MOSMO: variants seen among roughly 807,000 people sequenced by gnomAD.
MOSMO encodes modulator of smoothened.
In MOSMO, 5 loss-of-function variants were observed where a neutral mutation model predicts 18.4. The observed-to-expected ratio is 0.27, with a 90% CI of 0.14 to 0.57. The LOEUF is 0.57. Ranked by LOEUF, MOSMO falls within the 20% of genes least tolerant of loss-of-function variation. The pLI is 0.92. For missense variants in MOSMO, 138 were observed against 211.8 expected, an observed-to-expected ratio of 0.65 and a Z score of 2.16; for synonymous variants, 82 against 82.3, an observed-to-expected ratio of 1.00 and a Z score of 0.02.
At position 22,011,310 on chromosome 16, in the gene MOSMO, C is replaced by CA. The variant is rs565484423; in HGVS notation, c.106+2905dup. On this transcript the variant is annotated intron_variant, in intron 1 of 2. Transcript: ENST00000542527. The stretch of plus-strand genomic sequence containing the variant: ...AAGAATAATGTAAAAGCCTCATATA[C>CA]AATAATGAATAATAAAGAATAATGT... Among the ~76,000 whole-genome samples, 346 of 152,196 alleles carry CA rather than the reference C, an allele frequency of 2.3e-3. 3 individuals are homozygous for CA. The highest frequency in any genetic ancestry group is 2.6e-4 in the Non-Finnish European group (18 of 67,994).
At chr16:22,026,798 T>TA (rs1213460553) in intron 1 of MOSMO, among the ~76,000 whole-genome samples, 10 of 152,220 alleles carry the variant, frequency 6.6e-5, no homozygotes, top group African/African-American at 2.4e-4. Context: ...AGGAAGAAAA[T>TA]ATGTAAATAA....
At chr16:22,052,949 T>C (rs1402971651) in intron 1 of MOSMO, among the ~76,000 whole-genome samples, 2 of 149,944 alleles carry the variant, frequency 1.3e-5, no homozygotes, top group African/African-American at 4.9e-5. Context: ...TTCTCTCATC[T>C]TCTTTTTTTT....
intron 1 of MOSMO, among the ~76,000 whole-genome samples, chr16:22,009,141 T>C (rs1899462338): frequency 6.6e-6 from 1 of 152,178 alleles, no homozygotes; most frequent in Admixed American, 6.5e-5. Context: ...CCCTTTGAAG[T>C]GTGTATGTGG....
At chr16:22,073,994 G>T (rs538923612) in intron 1 of MOSMO, among the ~76,000 whole-genome samples, 1 of 152,132 alleles carries the variant, frequency 6.6e-6, no homozygotes. Context: ...AACTTTGAGA[G>T]AACTGATTTC....
chr16:22,062,719 G>A (rs987339642), intron 1 of MOSMO, among the ~76,000 whole-genome samples: 2 of 152,176 alleles, frequency 1.3e-5, no homozygotes, highest in African/African-American at 4.8e-5. Flanking sequence ...TTTGTTCTGA[G>A]TGCTCTGTAT....
At chr16:22,053,531 G>A (rs1245346957) in intron 1 of MOSMO, among the ~76,000 whole-genome samples, 4 of 152,062 alleles carry the variant, frequency 2.6e-5, no homozygotes, top group African/African-American at 9.7e-5. Context: ...AGCCAGGCAC[G>A]GGGGCTCATG....
At chr16:22,034,309 T>G (rs1900057449) in intron 1 of MOSMO, among the ~76,000 whole-genome samples, 1 of 152,256 alleles carries the variant, frequency 6.6e-6, no homozygotes, top group Non-Finnish European at 1.5e-5. Context: ...TAATGTGCTT[T>G]CTTTCCTTAT....
chr16:22,064,171 T>G (rs1900704895), intron 1 of MOSMO, among the ~76,000 whole-genome samples: 1 of 152,232 alleles, frequency 6.6e-6, no homozygotes, highest in South Asian at 2.1e-4. Flanking sequence ...TGTCTGCTCA[T>G]TGCTTGCTTG....
intron 1 of MOSMO, among the ~76,000 whole-genome samples, chr16:22,019,983 G>A (rs919244329): frequency 2.6e-5 from 4 of 151,978 alleles, no homozygotes; most frequent in Non-Finnish European, 5.9e-5. Context: ...GGAGGCCGAG[G>A]CGGGCAGATC....
At chr16:22,058,425 CAA>C (rs924395309) in intron 1 of MOSMO, among the ~76,000 whole-genome samples, 24 of 56,694 alleles carry the variant, frequency 4.2e-4, no homozygotes, top group Admixed American at 5.5e-4. Flanking sequence ...GACTCCGTCT[CAA>C]AAAAAAAAAA....
At chr16:22,054,313 C>T (rs536953497) in intron 1 of MOSMO, among the ~76,000 whole-genome samples, 121 of 152,134 alleles carry the variant, frequency 8.0e-4, no homozygotes, top group Non-Finnish European at 1.6e-3. Flanking sequence ...CCAGGCTAGT[C>T]TCGAACACCT....
intron 1 of MOSMO, among the ~76,000 whole-genome samples, chr16:22,010,374 C>T (rs529870593): frequency 1.3e-5 from 2 of 152,240 alleles, no homozygotes; most frequent in East Asian, 1.9e-4. Context: ...ACATCCAGTT[C>T]GTGACCTGTT....
At chr16:22,069,036 G>C (rs1318153075) in intron 1 of MOSMO, among the ~76,000 whole-genome samples, 1 of 152,104 alleles carries the variant, frequency 6.6e-6, no homozygotes, top group African/African-American at 2.4e-5. Flanking sequence ...CTTCTCACTG[G>C]CTACAACTTT....
At chr16:22,054,171 C>T (rs1900487279) in intron 1 of MOSMO, among the ~76,000 whole-genome samples, 1 of 152,008 alleles carries the variant, frequency 6.6e-6, no homozygotes, top group African/African-American at 2.4e-5. Flanking sequence ...TCTTAGCTCA[C>T]TGCAGTCTCG....
intron 1 of MOSMO, among the ~76,000 whole-genome samples, chr16:22,062,315 T>C (rs1900661668): frequency 6.6e-6 from 1 of 152,102 alleles, no homozygotes; most frequent in African/African-American, 2.4e-5. Context: ...TTCTTTTTTT[T>C]CTTTTCTTAT....
chr16:22,078,080 C>T (rs1901007053), intron 2 of MOSMO, among the ~76,000 whole-genome samples: 1 of 151,908 alleles, frequency 6.6e-6, no homozygotes, highest in Non-Finnish European at 1.5e-5. Flanking sequence ...CCTATGGGGG[C>T]AAGAGAAACC....
chr16:22,050,801 G>A (rs540252219), intron 1 of MOSMO, among the ~76,000 whole-genome samples: 16 of 151,174 alleles, frequency 1.1e-4, no homozygotes, highest in African/African-American at 3.9e-4. Context: ...GGAGGATGAG[G>A]TAGGAGGATC....
chr16:22,051,255 G>T (rs1373179111), intron 1 of MOSMO, among the ~76,000 whole-genome samples: 1 of 151,882 alleles, frequency 6.6e-6, no homozygotes, highest in Non-Finnish European at 1.5e-5. Flanking sequence ...GAGCATGGTG[G>T]TGCACACTTG....
intron 1 of MOSMO, among the ~76,000 whole-genome samples, chr16:22,065,349 T>C (rs1294097648): frequency 6.6e-6 from 1 of 152,208 alleles, no homozygotes; most frequent in African/African-American, 2.4e-5. Flanking sequence ...TGTTATTTCA[T>C]TATAATAGCA....
Sources: gnomAD v4.1 joint callset for allele counts (sites outside exome capture counted in the v4.1 genomes callset) on GRCh38, gnomAD v4.1.1 for gene constraint, MANE v1.5 for transcripts, NCBI Gene and HGNC (gene_info 2026-07-23, HGNC 2026-07-21) for gene names.